PRICKLE2: variants seen among roughly 807,000 people sequenced by gnomAD.
PRICKLE2 encodes prickle planar cell polarity protein 2.
Under a neutral mutation model 81.4 loss-of-function variants are expected in PRICKLE2, and 21 were observed. The ratio of observed to expected loss-of-function variants is 0.26; its 90% CI spans 0.18 to 0.37. The LOEUF (loss-of-function observed/expected upper bound fraction) is 0.37, where lower values mean the gene tolerates loss of function less well. PRICKLE2 is among the 10% of genes least tolerant of loss of function. The probability of loss-of-function intolerance (pLI) is 1.00; values close to 1 mark genes in which losing one functional copy is unlikely to be tolerated. For missense variants in PRICKLE2, 940 were observed against 1,109.0 expected, an observed-to-expected ratio of 0.85 and a Z score of 2.16; for synonymous variants, 456 against 421.5, an observed-to-expected ratio of 1.08 and a Z score of -1.00.
At chr3:64,135,518 T>C (rs575861764) in intron 7 of PRICKLE2, among the ~76,000 whole-genome samples, 1 of 152,248 alleles carries the variant, frequency 6.6e-6, no homozygotes, top group South Asian at 2.1e-4. Flanking sequence ...CTACGTGTTT[T>C]CTTAGTGACT....
intron 7 of PRICKLE2, among the ~76,000 whole-genome samples, chr3:64,142,337 A>T (rs2077376123): frequency 1.4e-5 from 2 of 138,824 alleles, no homozygotes; most frequent in Non-Finnish European, 1.5e-5. Flanking sequence ...TTTTAGACAG[A>T]GTTTTGCTCT....
chr3:64,186,156 A>T (rs1161244789), intron 2 of PRICKLE2, among the ~76,000 whole-genome samples: 1 of 152,236 alleles, frequency 6.6e-6, no homozygotes, highest in Non-Finnish European at 1.5e-5. Flanking sequence ...GATATAATAC[A>T]ATATGTTTAT....
At chr3:64,249,576 G>A (rs552186278) in intron 2 of PRICKLE2, among the ~76,000 whole-genome samples, 1 of 152,298 alleles carries the variant, frequency 6.6e-6, no homozygotes, top group African/African-American at 2.4e-5. Context: ...ACCACTTGTT[G>A]CCACATTGCT....
intron 4 of PRICKLE2, among the ~76,000 whole-genome samples, chr3:64,158,727 AC>A (rs2077680370): frequency 6.6e-6 from 1 of 152,082 alleles, no homozygotes; most frequent in South Asian, 2.1e-4. Flanking sequence ...ACCACTGACC[AC>A]CTGTACCTTA....
chr3:64,122,398 A>G (rs2077041161), intron 7 of PRICKLE2, among the ~76,000 whole-genome samples: 1 of 152,180 alleles, frequency 6.6e-6, no homozygotes, highest in African/African-American at 2.4e-5. Context: ...GAATCACAGA[A>G]TCACCTGCAA....
intron 2 of PRICKLE2, among the ~76,000 whole-genome samples, chr3:64,171,306 C>G (rs2077926661): frequency 6.6e-6 from 1 of 152,178 alleles, no homozygotes; most frequent in Non-Finnish European, 1.5e-5. Context: ...TTGACAATGT[C>G]TACAAACATT....
intron 2 of PRICKLE2, among the ~76,000 whole-genome samples, chr3:64,192,528 T>C (rs1474497417): frequency 5.9e-5 from 9 of 152,234 alleles, no homozygotes; most frequent in Non-Finnish European, 1.3e-4. Context: ...TGACACCTGA[T>C]GGATGAGTAA....
intron 5 of PRICKLE2, among the ~76,000 whole-genome samples, chr3:64,155,283 T>C (rs1288016484): frequency 6.6e-6 from 1 of 150,878 alleles, no homozygotes; most frequent in East Asian, 1.9e-4. Flanking sequence ...CATGAAAAGA[T>C]GCTCAACATT....
intron 5 of PRICKLE2, chr3:64,153,660 A>C (rs2077580909): frequency 2.6e-6 from 1 of 387,084 alleles, no homozygotes; most frequent in South Asian, 2.7e-5. Flanking sequence ...AGGATCAAAA[A>C]CTGACAGCTC....
At chr3:64,187,554 C>T (rs184778363) in intron 2 of PRICKLE2, 88 of 152,360 alleles carry the variant, frequency 5.8e-4, no homozygotes, top group African/African-American at 2.1e-3. Context: ...ATTTTGATCT[C>T]AGCATGTGCT....
At chr3:64,224,009 C>T (rs1386485564) in intron 1 of PRICKLE2, among the ~76,000 whole-genome samples, 1 of 152,184 alleles carries the variant, frequency 6.6e-6, no homozygotes, top group African/African-American at 2.4e-5. Flanking sequence ...ACACTGGAGC[C>T]CTCCCCTGAC....
chr3:64,165,987 T>G (rs1403789434), intron 2 of PRICKLE2, among the ~76,000 whole-genome samples: 7 of 146,930 alleles, frequency 4.8e-5, no homozygotes, highest in African/African-American at 1.5e-4. Flanking sequence ...TGTGTGTGTG[T>G]GTGTGTGTGT....
chr3:64,255,278 G>A (rs1414445758), intron 2 of PRICKLE2, among the ~76,000 whole-genome samples: 4 of 152,184 alleles, frequency 2.6e-5, no homozygotes, highest in African/African-American at 9.7e-5. Context: ...TGTGACTAGA[G>A]AAAAAGTTTG....
At chr3:64,131,935 A>G (rs142737152) in intron 7 of PRICKLE2, among the ~76,000 whole-genome samples, 1 of 152,332 alleles carries the variant, frequency 6.6e-6, no homozygotes, top group African/African-American at 2.4e-5. Context: ...TGAGCCAGCA[A>G]TAAAATGTGA....
chr3:64,164,237 C>A (rs2077787043), intron 2 of PRICKLE2, among the ~76,000 whole-genome samples: 2 of 152,200 alleles, frequency 1.3e-5, no homozygotes, highest in Admixed American at 1.3e-4. Flanking sequence ...ATTAGCCTGG[C>A]CTGGTGGTGC....
At chr3:64,233,099 T>C (rs957686700) in intron 2 of PRICKLE2, among the ~76,000 whole-genome samples, 5 of 152,228 alleles carry the variant, frequency 3.3e-5, no homozygotes, top group African/African-American at 9.6e-5. Context: ...TCCTTGACAC[T>C]GAACATTTTC....
At chr3:64,146,560 G>A (rs1013415920) in intron 7 of PRICKLE2, 3 of 399,334 alleles carry the variant, frequency 7.5e-6, no homozygotes, top group Middle Eastern at 7.6e-4. Context: ...CGGCTAACAC[G>A]GTGAAACACG....
chr3:64,150,634 C>A (rs543580931), intron 6 of PRICKLE2, among the ~76,000 whole-genome samples: 2 of 152,246 alleles, frequency 1.3e-5, no homozygotes, highest in East Asian at 3.9e-4. Flanking sequence ...GAGCTCTAAT[C>A]AGCACAGCAT....
At chr3:64,195,241 G>A (rs1284176927) in intron 2 of PRICKLE2, among the ~76,000 whole-genome samples, 1 of 152,072 alleles carries the variant, frequency 6.6e-6, no homozygotes, top group African/African-American at 2.4e-5. Flanking sequence ...GGCATCATCT[G>A]TTATATTTAT....
Sources: allele counts gnomAD v4.1 joint callset (sites outside exome capture counted in the v4.1 genomes callset), GRCh38; gene constraint gnomAD v4.1.1; transcripts MANE v1.5; gene names NCBI Gene and HGNC (gene_info 2026-07-23, HGNC 2026-07-21).